Variants in TMEM116 observed in about 807,000 individuals in gnomAD.
TMEM116 encodes the protein transmembrane protein 116.
TMEM116 carries 38 observed loss-of-function variants against 44.3 expected under a neutral mutation model. The observed-to-expected ratio is 0.86, with a 90% CI of 0.66 to 1.12. The LOEUF (loss-of-function observed/expected upper bound fraction) is 1.12. TMEM116 is among the 50% of genes most tolerant of loss of function. The probability of loss-of-function intolerance (pLI) is 0.00; values close to 1 mark genes in which losing one functional copy is unlikely to be tolerated. For synonymous variants in TMEM116, 132 were observed against 144.8 expected (o/e 0.91, Z 0.64); for missense variants, 354 against 401.7 (o/e 0.88, Z 1.01).
chr12:112,000,905 G>T, intron 3 of TMEM116: 1 of 416,888 alleles, frequency 2.4e-6, no homozygotes, highest in South Asian at 1.8e-5. Flanking sequence ...TGTTCTTGAG[G>T]AATTTCTCTT....
chr12:112,010,143 T>C (rs945457125), intron 1 of TMEM116, among the ~76,000 whole-genome samples: 1 of 152,212 alleles, frequency 6.6e-6, no homozygotes, highest in Non-Finnish European at 1.5e-5. Flanking sequence ...CAAAGCATCA[T>C]GTTCATTCCC....
intron 3 of TMEM116, among the ~76,000 whole-genome samples, chr12:111,995,420 C>T (rs2076878667): frequency 6.6e-6 from 1 of 151,950 alleles, no homozygotes; most frequent in African/African-American, 2.4e-5. Flanking sequence ...GAAATTAGGC[C>T]CCTACTTTGT....
intron 3 of TMEM116, among the ~76,000 whole-genome samples, chr12:112,000,559 C>T (rs1466582098): frequency 1.3e-5 from 2 of 149,886 alleles, no homozygotes; most frequent in African/African-American, 4.9e-5. Flanking sequence ...TAGGGTCTCA[C>T]TTTGTCACAC....
intron 3 of TMEM116, chr12:112,000,896 GTTC>G (rs2077217214): frequency 2.4e-6 from 1 of 420,000 alleles, no homozygotes. Flanking sequence ...TCCAGCCAAT[GTTC>G]TTGAGGAATT....
At chr12:111,957,742 C>T (rs2074256612) in intron 4 of TMEM116, among the ~76,000 whole-genome samples, 1 of 152,002 alleles carries the variant, frequency 6.6e-6, no homozygotes, top group Admixed American at 6.5e-5. Flanking sequence ...GGGAGGAGCC[C>T]CTCTGCCCGG....
chr12:111,931,754 A>G lies in TMEM116; in HGVS notation c.881T>C (p.Leu294Pro). 6.2e-7 allele frequency: 1 copy of G among 1,607,940 alleles called. No homozygotes were observed. The change falls in exon 11 of 11, where the codon CTA becomes CCA. Residue 294 changes from leucine (L) to proline (P), a missense_variant. By Grantham distance (98) the Leu-to-Pro change is moderately conservative. Coordinates refer to ENST00000552374, the MANE Select transcript of TMEM116 (RefSeq NM_001193531.2). Reference sequence around the variant, plus strand: ...TGCATCACGCCGAGCCTCCTGCTTTAGTTGGTGGAATTTGTGCTGCGTCCA... The same window carrying G: ...TGCATCACGCCGAGCCTCCTGCTTTGGTTGGTGGAATTTGTGCTGCGTCCA... The part of the protein sequence containing the change: ...YGWTQHKFHQ[L>P]KQEARRDADT...
chr12:111,991,519 T>C (rs1479081317), intron 4 of TMEM116, among the ~76,000 whole-genome samples: 1 of 136,132 alleles, frequency 7.3e-6, no homozygotes, highest in Non-Finnish European at 1.5e-5. Flanking sequence ...CAAGTCTCTG[T>C]CTCAGAAAAA....
intron 3 of TMEM116, among the ~76,000 whole-genome samples, chr12:111,992,160 TC>T (rs1354760443): frequency 6.6e-6 from 1 of 152,292 alleles, no homozygotes; most frequent in African/African-American, 2.4e-5. Context: ...GACACTCCTT[TC>T]TTAGGTATAG....
intron 4 of TMEM116, among the ~76,000 whole-genome samples, chr12:111,944,813 A>G (rs2073119051): frequency 6.6e-6 from 1 of 152,184 alleles, no homozygotes; most frequent in Non-Finnish European, 1.5e-5. Flanking sequence ...TTTCTCATCA[A>G]TCAGAGTGGA....
intron 3 of TMEM116, chr12:111,993,144 T>TA (rs2076715253): frequency 3.7e-6 from 1 of 266,684 alleles, no homozygotes; most frequent in Admixed American, 4.2e-5. Flanking sequence ...TGCTGCCTTA[T>TA]AAAAGTACAG....
chr12:112,004,273 C>A (rs1352695113), intron 2 of TMEM116, among the ~76,000 whole-genome samples: 39 of 151,700 alleles, frequency 2.6e-4, no homozygotes, highest in Admixed American at 2.4e-3. Context: ...AGCCACCATG[C>A]CCAGCCCTGC....
chr12:111,966,299 C>T (rs1317568584), intron 4 of TMEM116, among the ~76,000 whole-genome samples: 1 of 151,902 alleles, frequency 6.6e-6, no homozygotes, highest in African/African-American at 2.4e-5. Context: ...GAGCAAGACT[C>T]CATCTCAAAA....
At chr12:111,993,098 C>T (rs570292347) in intron 3 of TMEM116, 10 of 203,666 alleles carry the variant, frequency 4.9e-5, no homozygotes, top group African/African-American at 1.6e-4. Context: ...CCACAAGACC[C>T]GCAAGGCCCC....
chr12:111,959,624 T>C (rs941909308), intron 4 of TMEM116, among the ~76,000 whole-genome samples: 5 of 152,098 alleles, frequency 3.3e-5, no homozygotes, highest in Non-Finnish European at 7.3e-5. Flanking sequence ...GAGACACACA[T>C]AGGCTCAAAA....
intron 4 of TMEM116, among the ~76,000 whole-genome samples, chr12:111,957,619 G>A (rs947374230): frequency 6.6e-6 from 1 of 151,478 alleles, no homozygotes; most frequent in African/African-American, 2.4e-5. Flanking sequence ...TCCGGGAGGT[G>A]GGGGGCCCCT....
chr12:111,945,739 C>A (rs904090519), intron 4 of TMEM116, among the ~76,000 whole-genome samples: 3 of 152,106 alleles, frequency 2.0e-5, no homozygotes, highest in Non-Finnish European at 2.9e-5. Context: ...CAAATGAGAA[C>A]CTTCTGCTTA....
intron 4 of TMEM116, among the ~76,000 whole-genome samples, chr12:111,955,238 G>A (rs2073994590): frequency 6.6e-6 from 1 of 152,110 alleles, no homozygotes; most frequent in Non-Finnish European, 1.5e-5. Flanking sequence ...ACCCTCCTTG[G>A]TGTCTGTGGG....
At position 112,003,845 on chromosome 12, in the gene TMEM116, T is replaced by A; in HGVS notation, c.33A>T (p.Ser11=). 1.3e-6 allele frequency: 2 copies of A among 1,514,898 alleles called. No homozygotes were observed. Among genetic ancestry groups the A allele is most frequent in the Non-Finnish European group, 1.8e-6 (2 of 1,140,176 alleles). The allele number at this position is 1,514,898 out of a possible 1,614,324, so 93.8% of individuals were successfully genotyped here. A position where few individuals can be genotyped will look rare whatever the true frequency, so the allele number is the denominator to read the frequency against. Residue 11 remains serine, a synonymous_variant, in exon 3 of 11, where the codon TCA becomes TCT. Transcript: ENST00000552374. ...TATGGAATACAGCATAGGCAATAAG[T>A]GAACTTGAACCTATAACACTGAGAA... is the stretch of plus-strand genomic sequence containing the variant. MATLSVIGSS[S]LIAYAVFHNI...
intron 4 of TMEM116, among the ~76,000 whole-genome samples, chr12:111,988,623 T>C (rs1368838469): frequency 2.6e-5 from 4 of 151,316 alleles, no homozygotes; most frequent in Non-Finnish European, 4.4e-5. Flanking sequence ...CGCTTGAACC[T>C]GGGAGGCAGA....
Sources: allele counts gnomAD v4.1 joint callset (sites outside exome capture counted in the v4.1 genomes callset), GRCh38; gene constraint gnomAD v4.1.1; transcripts MANE v1.5; gene names NCBI Gene and HGNC (gene_info 2026-07-23, HGNC 2026-07-21).